The following KRABD4 variants were observed in gnomAD, a reference collection of about 807,000 sequenced individuals.
KRABD4 encodes KRAB domain-containing protein 4.
the KRABD4 span, among the ~76,000 whole-genome samples, chrX:46,467,904 G>A: frequency 9.0e-6 from 1 of 111,641 alleles, no homozygotes; most frequent in Non-Finnish European, 1.9e-5. Flanking sequence ...AGTATCTTTT[G>A]AAAAACAAAT....
At chrX:46,457,376 A>T in the KRABD4 span, among the ~76,000 whole-genome samples, 1 of 112,464 alleles carries the variant, frequency 8.9e-6, no homozygotes. Flanking sequence ...CATGCAATGC[A>T]TATGATATGC....
chrX:46,473,472 C>T, the KRABD4 span: 1 of 988,629 alleles, frequency 1.0e-6, no homozygotes, highest in African/African-American at 1.9e-5. Context: ...TCTCATTAAA[C>T]ATCAGATAAT....
At chrX:46,472,784 C>T in the KRABD4 span, 2 of 1,210,880 alleles carry the variant, frequency 1.7e-6, no homozygotes, top group Non-Finnish European at 1.1e-6. Context: ...TAGATCACTA[C>T]AAGGAAAGCC....
chrX:46,453,308 T>C, the KRABD4 span, among the ~76,000 whole-genome samples: 1 of 112,042 alleles, frequency 8.9e-6, no homozygotes, highest in Non-Finnish European at 1.9e-5. Flanking sequence ...CCGTTGAGTC[T>C]CCGTCTGGAT....
chrX:46,467,659 G>A, the KRABD4 span, among the ~76,000 whole-genome samples: 6 of 111,827 alleles, frequency 5.4e-5, no homozygotes, highest in Admixed American at 9.5e-5. Flanking sequence ...TAGGTATATA[G>A]GGGGATCTCA....
chrX:46,459,467 A>C, the KRABD4 span, among the ~76,000 whole-genome samples: 5 of 111,634 alleles, frequency 4.5e-5, no homozygotes, highest in Admixed American at 4.7e-4. Context: ...TATCATTTTT[A>C]TGGTTATTTT....
At chrX:46,465,919 G>A in the KRABD4 span, among the ~76,000 whole-genome samples, 1 of 112,139 alleles carries the variant, frequency 8.9e-6, no homozygotes. Context: ...AACTCCCAGG[G>A]TTGGAAGCAG....
chrX:46,455,674 C>A, the KRABD4 span: 2 of 381,649 alleles, frequency 5.2e-6, no homozygotes, highest in Non-Finnish European at 4.8e-6. Context: ...TTCAGTAATG[C>A]TTTCACATGG....
At chrX:46,470,017 AT>A in the KRABD4 span, among the ~76,000 whole-genome samples, 1 of 110,077 alleles carries the variant, frequency 9.1e-6, no homozygotes, top group South Asian at 3.8e-4. Flanking sequence ...TGCATGTACC[AT>A]TTTTTTATTT....
chrX:46,456,688 T>C, the KRABD4 span: 1,113 of 276,806 alleles, frequency 4.0e-3, 13 homozygotes, highest in African/African-American at 0.03. Flanking sequence ...GCAAATAGCA[T>C]TGAGACATCC....
chrX:46,461,666 A>T, the KRABD4 span, among the ~76,000 whole-genome samples: 708 of 111,979 alleles, frequency 6.3e-3, 8 homozygotes, highest in African/African-American at 0.022. Flanking sequence ...TGTAGAAGTG[A>T]GTTCTTGTTT....
At chrX:46,462,567 C>T in the KRABD4 span, 4 of 746,011 alleles carry the variant, frequency 5.4e-6, no homozygotes, top group East Asian at 3.6e-5. Flanking sequence ...CGTGTGGATT[C>T]GACTCCCCTC....
the KRABD4 span, among the ~76,000 whole-genome samples, chrX:46,464,515 A>G: frequency 8.9e-6 from 1 of 112,446 alleles, no homozygotes; most frequent in Non-Finnish European, 1.9e-5. Flanking sequence ...GGCTTCCTCC[A>G]GAACCCACTC....
At chrX:46,459,325 G>GA in the KRABD4 span, among the ~76,000 whole-genome samples, 4 of 94,635 alleles carry the variant, frequency 4.2e-5, no homozygotes, top group Non-Finnish European at 6.2e-5. Flanking sequence ...AAAAAAAAAA[G>GA]AAAAAAAAAA....
At chrX:46,448,597 C>T in the KRABD4 span, 1 of 113,178 alleles carries the variant, frequency 8.8e-6, no homozygotes, top group Non-Finnish European at 1.9e-5. Flanking sequence ...CAGATGCCAT[C>T]GAGGACCGTG....
the KRABD4 span, chrX:46,473,235 C>T: frequency 2.6e-6 from 3 of 1,176,140 alleles, no homozygotes; most frequent in African/African-American, 3.6e-5. Flanking sequence ...AAAGAACTCA[C>T]ACCGGAGAGA....
the KRABD4 span, among the ~76,000 whole-genome samples, chrX:46,459,107 G>C: frequency 3.6e-5 from 4 of 111,114 alleles, no homozygotes; most frequent in African/African-American, 1.3e-4. Context: ...GAGATCAGGA[G>C]TTCAAGACCA....
At chrX:46,466,373 A>G in the KRABD4 span, among the ~76,000 whole-genome samples, 1 of 111,734 alleles carries the variant, frequency 8.9e-6, no homozygotes. Flanking sequence ...ACACCCATAT[A>G]ATACGTCCAC....
chrX:46,451,565 G>C, the KRABD4 span, among the ~76,000 whole-genome samples: 3 of 111,594 alleles, frequency 2.7e-5, no homozygotes, highest in East Asian at 8.4e-4. Flanking sequence ...TTGCTCTGTA[G>C]TACCAGTGTT....
Sources: gnomAD v4.1 joint callset for allele counts (sites outside exome capture counted in the v4.1 genomes callset) on GRCh38, gnomAD v4.1.1 for gene constraint, MANE v1.5 for transcripts, NCBI Gene and HGNC (gene_info 2026-07-23, HGNC 2026-07-21) for gene names.